NIPA2: variants seen among roughly 807,000 people sequenced by gnomAD.
NIPA2 encodes the protein magnesium transporter NIPA2.
NIPA2 carries 11 observed loss-of-function variants against 29.7 expected under a neutral mutation model. That is an observed-to-expected ratio of 0.37 (90% CI 0.23 to 0.61). NIPA2 has a LOEUF of 0.61. NIPA2 is among the 20% of genes least tolerant of loss of function. The probability of loss-of-function intolerance (pLI) is 0.66; values close to 1 mark genes in which losing one functional copy is unlikely to be tolerated. For missense variants in NIPA2, 426 were observed against 437.9 expected, an observed-to-expected ratio of 0.97 and a Z score of 0.24; for synonymous variants, 183 against 161.9, an observed-to-expected ratio of 1.13 and a Z score of -0.99.
intron 2 of NIPA2, among the ~76,000 whole-genome samples, chr15:22,842,396 A>G (rs1897314756): frequency 6.6e-6 from 1 of 152,166 alleles, no homozygotes; most frequent in Non-Finnish European, 1.5e-5. Context: ...TGGTATGGGG[A>G]AATAAGATCT....
At chr15:22,840,087 A>AT (rs1421277865) in intron 2 of NIPA2, among the ~76,000 whole-genome samples, 1 of 151,646 alleles carries the variant, frequency 6.6e-6, no homozygotes, top group African/African-American at 2.4e-5. Context: ...TGCCTGGCTA[A>AT]TTTTTGTATT....
intron 2 of NIPA2, among the ~76,000 whole-genome samples, chr15:22,842,525 T>TAA (rs551442102): frequency 1.4e-5 from 2 of 146,888 alleles, no homozygotes; most frequent in African/African-American, 2.5e-5. Flanking sequence ...CCATCTCTAC[T>TAA]AAAAAAAAAA....
At chr15:22,848,477 C>T (rs750755345) in intron 3 of NIPA2, among the ~76,000 whole-genome samples, 2 of 152,054 alleles carry the variant, frequency 1.3e-5, no homozygotes, top group East Asian at 1.9e-4. Context: ...ATCCTTCTGC[C>T]TCAGCCTCCT....
Position 22,867,071 on chromosome 15 carries a change from G to A in NIPA2, c.*224G>A, listed in dbSNP as rs1337999474. ...TGACGATTTCTATTAACATTTTATT[G>A]TTGTAGAAGTATTTTACATTTTCAT... On this transcript the variant is annotated 3_prime_UTR_variant, in exon 8 of 8. Coordinates refer to ENST00000337451, the MANE Select transcript of NIPA2 (RefSeq NM_030922.7). The A allele has an allele frequency of 3.9e-6, 2 of 506,556 alleles. No individual in the cohort carries two copies. The highest frequency in any genetic ancestry group is 6.9e-6 in the Non-Finnish European group (2 of 291,230). 31.4% of individuals were successfully genotyped at this position (506,556 alleles called of 1,614,324 possible).
intron 2 of NIPA2, among the ~76,000 whole-genome samples, chr15:22,843,293 A>T (rs964921682): frequency 3.3e-5 from 5 of 152,042 alleles, no homozygotes; most frequent in African/African-American, 1.2e-4. Context: ...TCACGAGGTC[A>T]GGAGATCGAG....
intron 1 of NIPA2, 93 bp downstream of exon 1, chr15:22,839,014 CA>C (rs1297185036): frequency 2.0e-5 from 3 of 152,238 alleles, no homozygotes; most frequent in Non-Finnish European, 2.9e-5. Flanking sequence ...GTTCTTCGGG[CA>C]ACTTTCCTTT....
intron 3 of NIPA2, among the ~76,000 whole-genome samples, chr15:22,849,009 A>G (rs1173096425): frequency 1.3e-5 from 2 of 152,148 alleles, no homozygotes; most frequent in African/African-American, 4.8e-5. Flanking sequence ...AACACAGATC[A>G]ACAAGCCATG....
chr15:22,858,737 T>C, intron 6 of NIPA2, 107 bp downstream of exon 6: 1 of 657,046 alleles, frequency 1.5e-6, no homozygotes, highest in Non-Finnish European at 2.4e-6. Flanking sequence ...TTCAACAACC[T>C]GGAGAACTTC....
chr15:22,844,479 G>T (rs377169107), intron 2 of NIPA2, among the ~76,000 whole-genome samples: 1 of 152,056 alleles, frequency 6.6e-6, no homozygotes, highest in African/African-American at 2.4e-5. Context: ...GCTTGAACCC[G>T]GGAGACGGAG....
chr15:22,849,124 T>C (rs2057517255), intron 3 of NIPA2, among the ~76,000 whole-genome samples: 1 of 152,212 alleles, frequency 6.6e-6, no homozygotes, highest in Non-Finnish European at 1.5e-5. Flanking sequence ...TTCTCCTACC[T>C]TGTCTTTAAA....
intron 7 of NIPA2, among the ~76,000 whole-genome samples, chr15:22,863,306 C>G (rs892048629): frequency 1.3e-5 from 2 of 151,926 alleles, no homozygotes; most frequent in Non-Finnish European, 2.9e-5. Flanking sequence ...CTGGTCTCAA[C>G]CTACTGGGCT....
In NIPA2 at chr15:22,866,904, C is replaced by A. The variant is rs1209433467; in HGVS notation, c.*57C>A. ...GTTATGAAGTGAATTTGAATATCAT[C>A]AGAATGTGTCTGAAAAAACATTGTC... On this transcript the variant is annotated 3_prime_UTR_variant, in exon 8 of 8. Transcript: ENST00000337451. 4 of 1,423,402 alleles carry A rather than the reference C, an allele frequency of 2.8e-6. No homozygotes were observed. In the East Asian group the frequency reaches 6.9e-5, roughly 25 times the overall value. The allele number at this position is 1,423,402 out of a possible 1,614,324, so 88.2% of individuals were successfully genotyped here.
intron 3 of NIPA2, among the ~76,000 whole-genome samples, chr15:22,849,408 G>T (rs1456015110): frequency 6.7e-6 from 1 of 149,618 alleles, no homozygotes; most frequent in Non-Finnish European, 1.5e-5. Flanking sequence ...CTTATGAATG[G>T]CACAGAGGGA....
In NIPA2 at chr15:22,859,323, T is replaced by C. The variant is rs2058449181; in HGVS notation, c.287+693T>C. On this transcript the variant is annotated intron_variant, in intron 6 of 7. Coordinates refer to ENST00000337451, the MANE Select transcript of NIPA2 (RefSeq NM_030922.7). ...TTTTTTTTTTTTTGAGGCGGAGTCT[T>C]GCTCTGTCGCCCACGCTGGAGTGCA... 2.8e-5 allele frequency among the ~76,000 whole-genome samples: 4 copies of C among 140,648 alleles called. No homozygotes were observed. In the South Asian group the frequency reaches 6.8e-4, roughly 24 times the overall value. 92.3% of individuals were successfully genotyped at this position (140,648 alleles called of 152,430 possible).
chr15:22,841,971 G>C (rs375817420), intron 2 of NIPA2, among the ~76,000 whole-genome samples: 2 of 152,116 alleles, frequency 1.3e-5, no homozygotes, highest in Non-Finnish European at 2.9e-5. Context: ...TTCTACTCAA[G>C]TGTTACTGCT....
At position 22,868,034 on chromosome 15, in the gene NIPA2, C is replaced by G. The variant is rs1431572881; in HGVS notation, c.*1187C>G. The G allele has an allele frequency of 6.6e-6, 1 of 152,246 alleles. No individual in the cohort carries two copies. The highest frequency in any genetic ancestry group is 1.5e-5 in the Non-Finnish European group (1 of 68,052). The allele number at this position is 152,246 out of a possible 1,614,324, so 9.4% of individuals were successfully genotyped here. ...GATGGGAAGAAAGTGTTCGCCTGTT[C>G]CAGCCTGTGGCTCCTGCCTGGAGGT... On this transcript the variant is annotated 3_prime_UTR_variant, in exon 8 of 8. Transcript: ENST00000337451.
intron 3 of NIPA2, among the ~76,000 whole-genome samples, chr15:22,846,275 A>G (rs1898609654): frequency 6.6e-6 from 1 of 152,120 alleles, no homozygotes; most frequent in African/African-American, 2.4e-5. Context: ...ATAAGCAGCA[A>G]CTGTACCTGT....
At chr15:22,860,604 C>T (rs1297076338) in intron 6 of NIPA2, 25 bp from the exon 7 acceptor site, 3 of 1,485,214 alleles carry the variant, frequency 2.0e-6, no homozygotes, top group Non-Finnish European at 9.0e-7. Flanking sequence ...TTAAAGTTCT[C>T]AATTTTTTTT....
intron 3 of NIPA2, among the ~76,000 whole-genome samples, chr15:22,846,834 A>ATTATT (rs1898818257): frequency 2.0e-5 from 2 of 101,492 alleles, no homozygotes; most frequent in Non-Finnish European, 2.0e-5. Flanking sequence ...TAATAATAAT[A>ATTATT]ATAATAATTA....
Sources: allele counts gnomAD v4.1 joint callset (sites outside exome capture counted in the v4.1 genomes callset), GRCh38; gene constraint gnomAD v4.1.1; transcripts MANE v1.5; gene names NCBI Gene and HGNC (gene_info 2026-07-23, HGNC 2026-07-21).